Variants in USP40 observed in about 807,000 individuals in gnomAD.
USP40 encodes ubiquitin carboxyl-terminal hydrolase 40.
Under a neutral mutation model 166.2 loss-of-function variants are expected in USP40, and 143 were observed. The observed-to-expected ratio is 0.86, with a 90% CI of 0.75 to 0.99. The LOEUF is 0.99. USP40 is among the 50% of genes least tolerant of loss of function. The pLI is 0.00. For synonymous variants in USP40, 498 were observed against 524.0 expected, an observed-to-expected ratio of 0.95 and a Z score of 0.68; for missense variants, 1,444 against 1,479.7, an observed-to-expected ratio of 0.98 and a Z score of 0.40.
rs1276612173 is a variant in USP40, at chr2:233,565,516, C to T, written c.39G>A (p.Val13=). The T allele has an allele frequency of 2.6e-5, 40 of 1,537,164 alleles. No homozygotes were observed. The highest frequency in any genetic ancestry group is 3.2e-5 in the Non-Finnish European group (37 of 1,146,870). ...GDLFEEEYST[V]SNNQYGKGKK... ...TCCCTTTTCCATACTGATTATTAGA[C>T]ACAGTGGAATACTCCTCTTCAAACA... Residue 13 remains valine, a synonymous_variant, in exon 2 of 32, where the codon GTG becomes GTA. Transcript: ENST00000678225.
intron 21 of USP40, among the ~76,000 whole-genome samples, chr2:233,507,982 G>A (rs116321528): frequency 9.9e-4 from 151 of 151,986 alleles, no homozygotes; most frequent in Non-Finnish European, 1.8e-3. Context: ...TTTTTAAATA[G>A]TTTCAGATTT....
intron 4 of USP40, 24 bp from the exon 5 acceptor site, chr2:233,557,043 T>C (rs754500108): frequency 6.3e-7 from 1 of 1,588,104 alleles, no homozygotes; most frequent in Non-Finnish European, 8.5e-7. Context: ...AACTTTTAGA[T>C]GTAATTCCGG....
At chr2:233,479,420 G>T (rs1271108775) in intron 31 of USP40, among the ~76,000 whole-genome samples, 1 of 152,102 alleles carries the variant, frequency 6.6e-6, no homozygotes, top group Non-Finnish European at 1.5e-5. Flanking sequence ...AAAATTAGCT[G>T]GGCATAGTGG....
intron 21 of USP40, among the ~76,000 whole-genome samples, chr2:233,504,481 A>C (rs1349045992): frequency 6.6e-6 from 1 of 152,098 alleles, no homozygotes. Flanking sequence ...AAAAGTGAGC[A>C]AGAGTAGCCA....
chr2:233,479,603 T>G (rs983046629), intron 31 of USP40, among the ~76,000 whole-genome samples: 1 of 150,674 alleles, frequency 6.6e-6, no homozygotes, highest in Non-Finnish European at 1.5e-5. Context: ...TTAGTGTCTA[T>G]GTATTAGACA....
intron 6 of USP40, 48 bp from the exon 7 acceptor site, chr2:233,551,567 A>G: frequency 6.6e-7 from 1 of 1,517,366 alleles, no homozygotes; most frequent in South Asian, 1.3e-5. Context: ...GGGTTATATA[A>G]AAGGATACAT....
intron 21 of USP40, among the ~76,000 whole-genome samples, chr2:233,509,225 T>C (rs1344484755): frequency 6.6e-6 from 1 of 152,206 alleles, no homozygotes; most frequent in African/African-American, 2.4e-5. Context: ...TTCAGATTTT[T>C]CTATTTCAAA....
chr2:233,491,589 C>T (rs2065344414), intron 25 of USP40, among the ~76,000 whole-genome samples: 1 of 144,762 alleles, frequency 6.9e-6, no homozygotes. Flanking sequence ...TAACACTCAT[C>T]CCAACCTGTT....
intron 9 of USP40, among the ~76,000 whole-genome samples, chr2:233,541,831 T>C (rs954042005): frequency 6.6e-6 from 1 of 152,128 alleles, no homozygotes; most frequent in South Asian, 2.1e-4. Context: ...AAAAGGATAA[T>C]ATGGAAATGC....
chr2:233,490,707 A>G (rs2065278250), intron 26 of USP40, among the ~76,000 whole-genome samples: 1 of 152,216 alleles, frequency 6.6e-6, no homozygotes, highest in African/African-American at 2.4e-5. Context: ...ATAAGAAACA[A>G]CACAATACCT....
chr2:233,481,434 T>G (rs1217573822), intron 30 of USP40, 137 bp from the exon 31 acceptor site: 1 of 751,778 alleles, frequency 1.3e-6, no homozygotes, highest in East Asian at 2.8e-5. Context: ...AATAACTGAT[T>G]AAAAAAAATC....
At chr2:233,533,848 G>T in intron 10 of USP40, 69 bp from the exon 11 acceptor site, 3 of 1,389,694 alleles carry the variant, frequency 2.2e-6, no homozygotes, top group Non-Finnish European at 2.9e-6. Context: ...ATTAAAAAAT[G>T]TTTTCTTCCT....
chr2:233,535,119 G>T (rs2068843511), intron 10 of USP40, among the ~76,000 whole-genome samples: 1 of 152,168 alleles, frequency 6.6e-6, no homozygotes, highest in Admixed American at 6.5e-5. Flanking sequence ...TGAGGGGACA[G>T]AATCTGAGAA....
At chr2:233,536,217 G>A (rs534987068) in intron 10 of USP40, among the ~76,000 whole-genome samples, 1 of 152,238 alleles carries the variant, frequency 6.6e-6, no homozygotes, top group East Asian at 1.9e-4. Context: ...TAAAGGAAAA[G>A]ATGAATAGAA....
chr2:233,519,590 C>G, intron 18 of USP40, 24 bp downstream of exon 18: 13 of 1,406,610 alleles, frequency 9.2e-6, no homozygotes, highest in Non-Finnish European at 1.3e-5. Flanking sequence ...AACTAAGAAC[C>G]GAAAAGAAAA....
chr2:233,503,028 C>T (rs1026289168), intron 21 of USP40, among the ~76,000 whole-genome samples: 7 of 151,926 alleles, frequency 4.6e-5, no homozygotes, highest in South Asian at 4.2e-4. Flanking sequence ...TAACAAACCC[C>T]GAAGAAAAGT....
intron 21 of USP40, among the ~76,000 whole-genome samples, chr2:233,509,766 G>A (rs1034810516): frequency 6.0e-5 from 9 of 150,454 alleles, no homozygotes; most frequent in Non-Finnish European, 1.3e-4. Context: ...ACTTGAACCC[G>A]GGAGGCAGAG....
chr2:233,542,330 C>A lies in USP40; in HGVS notation c.1000G>T (p.Asp334Tyr). 3 of 1,559,146 alleles carry A rather than the reference C, an allele frequency of 1.9e-6. No individual in the cohort carries two copies. Among genetic ancestry groups the A allele is most frequent in the Non-Finnish European group, 2.6e-6 (3 of 1,152,058 alleles). Residue 334 changes from aspartate (D) to tyrosine (Y), a missense_variant, in exon 9 of 32, where the codon GAT (aspartate) becomes TAT (tyrosine). Coordinates refer to ENST00000678225, the MANE Select transcript of USP40 (RefSeq NM_001365479.2). ...TCAATCTCTTCTTCACTCTGGAGAT[C>A]TTTCAGATTCACATCTGGTTTACTT... ...EKSKPDVNLK[D>Y]LQSEEEIDHP...
intron 30 of USP40, among the ~76,000 whole-genome samples, chr2:233,481,848 G>C (rs2064619144): frequency 6.6e-6 from 1 of 152,198 alleles, no homozygotes; most frequent in East Asian, 1.9e-4. Flanking sequence ...AGGACTCGCA[G>C]GTTGTTTTCC....
Sources: allele counts gnomAD v4.1 joint callset (sites outside exome capture counted in the v4.1 genomes callset), GRCh38; gene constraint gnomAD v4.1.1; transcripts MANE v1.5; gene names NCBI Gene and HGNC (gene_info 2026-07-23, HGNC 2026-07-21).